EP400: variants seen among roughly 807,000 people sequenced by gnomAD.
EP400 encodes E1A binding protein p400.
A neutral mutation model predicts 354.1 loss-of-function variants in EP400; 105 were observed. The observed-to-expected ratio is 0.30, with a 90% CI of 0.25 to 0.35. The LOEUF (loss-of-function observed/expected upper bound fraction) is 0.35. EP400 is among the 10% of genes least tolerant of loss of function. The probability of loss-of-function intolerance (pLI) is 1.00; values close to 1 mark genes in which losing one functional copy is unlikely to be tolerated. For synonymous variants in EP400, 1,646 were observed against 1,716.9 expected (o/e 0.96, Z 1.02); for missense variants, 3,280 against 4,121.0 (o/e 0.80, Z 5.59).
intron 30 of EP400, among the ~76,000 whole-genome samples, chr12:132,036,542 C>T (rs1009342952): frequency 3.9e-5 from 6 of 152,260 alleles, no homozygotes; most frequent in Admixed American, 1.3e-4. Context: ...GCCACCCTCC[C>T]TGAAGCAGCC....
At position 132,018,455 on chromosome 12, in the gene EP400, A is replaced by G; in HGVS notation, c.4277+79A>G. 1 of 1,517,464 alleles carries G rather than the reference A, an allele frequency of 6.6e-7. No homozygotes were observed. The highest frequency in any genetic ancestry group is 8.8e-7 in the Non-Finnish European group (1 of 1,136,190). 94.0% of individuals were successfully genotyped at this position (1,517,464 alleles called of 1,614,324 possible). On this transcript the variant is annotated intron_variant, in intron 21 of 52. Transcript: ENST00000389561. The surrounding 1 kb of genome is among the most constrained non-coding windows in gnomAD (Gnocchi z 4.0). ...TGACCCAGGTCTATGCGTGGTGAAA[A>G]GAAAGGCTGCTAATGTAGTTAGGTT...
chr12:132,065,036 G>A, intron 48 of EP400, 150 bp downstream of exon 48: 1 of 1,368,406 alleles, frequency 7.3e-7, no homozygotes, highest in South Asian at 1.5e-5. Context: ...CTTGGACAGA[G>A]GACGGGACTC....
rs1235622047 is a variant in EP400, at chr12:132,038,743, G to A, written c.6207+647G>A. Reference sequence around the variant, plus strand: ...CATGTCACAGACCCGTCACGGGGCCGCTGTTCCCTCCCTGTCCCCGTGGCT... The same window carrying A: ...CATGTCACAGACCCGTCACGGGGCCACTGTTCCCTCCCTGTCCCCGTGGCT... On this transcript the variant is annotated intron_variant, in intron 32 of 52. Coordinates refer to ENST00000389561, the MANE Select transcript of EP400 (RefSeq NM_015409.5). The surrounding 1 kb of genome is among the most constrained non-coding windows in gnomAD (Gnocchi z 4.2). 1.3e-5 allele frequency among the ~76,000 whole-genome samples: 2 copies of A among 152,168 alleles called. No individual in the cohort carries two copies. Among genetic ancestry groups the A allele is most frequent in the African/African-American group, 2.4e-5 (1 of 41,438 alleles).
At chr12:131,998,744 A>T (rs1242003398) in intron 12 of EP400, among the ~76,000 whole-genome samples, 8 of 7,888 alleles carry the variant, frequency 1.0e-3, no homozygotes, top group Non-Finnish European at 1.5e-3. Flanking sequence ...GTATACAAAG[A>T]CTTTGTATAC....
chr12:132,066,504 G>C (rs933488638), intron 48 of EP400: 1 of 431,414 alleles, frequency 2.3e-6, no homozygotes, highest in African/African-American at 2.1e-5. Context: ...AAGTGAAGGT[G>C]ATGTCCCGTG....
At chr12:132,069,968 A>AT (rs1305091824) in intron 51 of EP400, among the ~76,000 whole-genome samples, 1 of 151,902 alleles carries the variant, frequency 6.6e-6, no homozygotes, top group Non-Finnish European at 1.5e-5. Context: ...ATTTTATTTT[A>AT]TTTTTTGATA....
chr12:132,028,061 T>C lies in EP400; in HGVS notation c.5154T>C (p.Tyr1718=). The change falls in exon 27 of 53, where the codon TAT becomes TAC. Residue 1718 remains tyrosine (Y), a synonymous_variant. Coordinates refer to ENST00000389561, the MANE Select transcript of EP400 (RefSeq NM_015409.5). ...RLLKERLDQI[Y]LVNERRCSQA... is the part of the protein sequence containing the mutation. ...TGAAAGAGCGCCTGGATCAGATTTA[T>C]TTAGTCAACGAGCGGCGCTGTTCTC... 1.2e-6 allele frequency: 2 copies of C among 1,614,222 alleles called. No homozygotes were observed. Among genetic ancestry groups the C allele is most frequent in the Non-Finnish European group, 1.7e-6 (2 of 1,180,030 alleles).
chr12:132,053,703 C>T (rs1172109659), intron 43 of EP400, 106 bp downstream of exon 43: 2 of 1,275,400 alleles, frequency 1.6e-6, no homozygotes, highest in East Asian at 5.5e-5. Flanking sequence ...CCAGTTCTAG[C>T]ACATTTCCAG....
chr12:132,046,929 G>A (rs950441966), intron 39 of EP400, among the ~76,000 whole-genome samples: 2 of 152,226 alleles, frequency 1.3e-5, no homozygotes. Flanking sequence ...ACCTCATGGA[G>A]CCCATCCAAA....
intron 6 of EP400, 35 bp downstream of exon 6, chr12:131,986,842 C>T (rs374257959): frequency 6.4e-7 from 1 of 1,561,828 alleles, no homozygotes; most frequent in African/African-American, 1.4e-5. Context: ...AAATGTACTC[C>T]AGTTGGTGAA....
intron 30 of EP400, among the ~76,000 whole-genome samples, chr12:132,035,767 C>G (rs935844840): frequency 6.7e-6 from 1 of 150,232 alleles, no homozygotes; most frequent in African/African-American, 2.5e-5. Flanking sequence ...TGGAAGCACA[C>G]AGCCAGGTTC....
rs553125017 is a variant in EP400, at chr12:131,986,540, G to C, written c.1956G>C (p.Val652=). ...PQMVASTRLP[V]DPAPPCPRPL... is the part of the protein sequence containing the mutation. Reference sequence around the variant, plus strand: ...TGGTAGCATCGACAAGGCTCCCTGTGGACCCTGCCCCGCCCTGCCCACGGC... The same window carrying C: ...TGGTAGCATCGACAAGGCTCCCTGTCGACCCTGCCCCGCCCTGCCCACGGC... The change falls in exon 6 of 53, where the codon GTG becomes GTC. Residue 652 remains valine, a synonymous_variant. Transcript: ENST00000389561. 13 of 1,610,492 alleles carry C rather than the reference G, an allele frequency of 8.1e-6. No homozygotes were observed. The Admixed American group carries it at 2.0e-4, about 25-fold the overall frequency.
chr12:131,950,410 C>T (rs1376604971), intron 1 of EP400, among the ~76,000 whole-genome samples: 4 of 152,198 alleles, frequency 2.6e-5, no homozygotes, highest in Admixed American at 6.5e-5. Flanking sequence ...GAGGGGGTGG[C>T]TCTTGCTCCT....
At position 132,020,144 on chromosome 12, in the gene EP400, C is replaced by T. The variant is rs775674545; in HGVS notation, c.4373C>T (p.Ala1458Val). The change falls in exon 22 of 53, where the codon GCC becomes GTC. Residue 1458 changes from alanine (A) to valine (V), a missense_variant. Coordinates refer to ENST00000389561, the MANE Select transcript of EP400 (RefSeq NM_015409.5). ...CCCCGGACGGCAGCCCCCACCACGG[C>T]CTCTGCTGCTCCACAGGGCCCGCTT... ...HPPRTAAPTT[A>V]SAAPQGPLRG... 6.2e-7 allele frequency: 1 copy of T among 1,612,010 alleles called. No individual in the cohort carries two copies. Among genetic ancestry groups the T allele is most frequent in the Non-Finnish European group, 8.5e-7 (1 of 1,179,282 alleles).
chr12:132,014,292 C>G (rs573893296), intron 19 of EP400, among the ~76,000 whole-genome samples: 1 of 152,204 alleles, frequency 6.6e-6, no homozygotes, highest in Non-Finnish European at 1.5e-5. Context: ...GGACTTGGGT[C>G]GGCTGTGGCC....
chr12:131,978,832 A>G (rs531013652), intron 2 of EP400, among the ~76,000 whole-genome samples: 1 of 152,098 alleles, frequency 6.6e-6, no homozygotes, highest in Admixed American at 6.6e-5. Context: ...TTCACTTTAA[A>G]CATTTTAAAT....
At chr12:132,058,344 A>G (rs1484101387) in intron 45 of EP400, among the ~76,000 whole-genome samples, 1 of 149,012 alleles carries the variant, frequency 6.7e-6, no homozygotes, top group East Asian at 1.9e-4. Context: ...ATATTGGGCT[A>G]AAGATTGGAT....
chr12:131,990,153 T>C lies in EP400; in HGVS notation c.2550+49T>C. ...GTCGTAAGAATCAGTCTGTCGGAGCTGGTGAGGCCACTTCCCGAGACCAGA... is the reference window on the plus strand; with the variant it reads ...GTCGTAAGAATCAGTCTGTCGGAGCCGGTGAGGCCACTTCCCGAGACCAGA... On this transcript the variant is annotated intron_variant, in intron 8 of 52. Transcript: ENST00000389561. This position sits in a 1 kb window ranked among gnomAD's most constrained non-coding sequence, Gnocchi z 4.2. 1 of 1,559,528 alleles carries C rather than the reference T, an allele frequency of 6.4e-7. No individual in the cohort carries two copies. Among genetic ancestry groups the C allele is most frequent in the Non-Finnish European group, 8.6e-7 (1 of 1,158,450 alleles).
chr12:131,982,505 G>T, intron 5 of EP400, 27 bp downstream of exon 5: 1 of 1,566,320 alleles, frequency 6.4e-7, no homozygotes, highest in South Asian at 1.2e-5. Flanking sequence ...AGGAAAAAAA[G>T]AAAATGGTTT....
Sources: gnomAD v4.1 joint callset for allele counts (sites outside exome capture counted in the v4.1 genomes callset) on GRCh38, gnomAD v4.1.1 for gene constraint, Gnocchi (gnomAD v3.1) non-coding constraint, MANE v1.5 for transcripts, NCBI Gene and HGNC (gene_info 2026-07-23, HGNC 2026-07-21) for gene names.